GRIA4: variants seen among roughly 807,000 people sequenced by gnomAD.
GRIA4 encodes glutamate receptor 4.
A neutral mutation model predicts 104.0 loss-of-function variants in GRIA4; 34 were observed. That is an observed-to-expected ratio of 0.33 (90% CI 0.25 to 0.44). The LOEUF is 0.44. GRIA4 is among the 20% of genes least tolerant of loss of function. The pLI is 1.00. For missense variants in GRIA4, 750 were observed against 1,096.5 expected (o/e 0.68, Z 4.46); for synonymous variants, 386 against 381.9 (o/e 1.01, Z -0.13).
At chr11:105,966,705 T>C (rs1858386879) in intron 14 of GRIA4, among the ~76,000 whole-genome samples, 1 of 151,878 alleles carries the variant, frequency 6.6e-6, no homozygotes, top group Admixed American at 6.6e-5. Flanking sequence ...ATAATAGTTT[T>C]TTTTATTTCT....
chr11:105,810,150 A>G (rs1220146835), intron 4 of GRIA4, among the ~76,000 whole-genome samples: 4 of 152,150 alleles, frequency 2.6e-5, no homozygotes, highest in Admixed American at 1.3e-4. Context: ...TCTGTCCAGC[A>G]TGGAGTTCTA....
chr11:105,652,847 C>T (rs1951721414), intron 3 of GRIA4, among the ~76,000 whole-genome samples: 2 of 152,150 alleles, frequency 1.3e-5, no homozygotes, highest in Admixed American at 1.3e-4. Flanking sequence ...TACAGTTTCA[C>T]AGATGGAAGA....
At chr11:105,713,331 G>A (rs1953980995) in intron 3 of GRIA4, among the ~76,000 whole-genome samples, 1 of 151,674 alleles carries the variant, frequency 6.6e-6, no homozygotes, top group Admixed American at 6.6e-5. Flanking sequence ...GCAGTGAGCT[G>A]AGATTGCACC....
intron 4 of GRIA4, among the ~76,000 whole-genome samples, chr11:105,849,461 A>G (rs1383400657): frequency 1.3e-5 from 2 of 152,168 alleles, no homozygotes; most frequent in Non-Finnish European, 2.9e-5. Flanking sequence ...AAATCTACAG[A>G]TCTGGAATAT....
At chr11:105,677,305 A>G (rs902987775) in intron 3 of GRIA4, among the ~76,000 whole-genome samples, 4 of 151,934 alleles carry the variant, frequency 2.6e-5, no homozygotes, top group Non-Finnish European at 5.9e-5. Flanking sequence ...ATCACAGTCA[A>G]GAAATGCACT....
At chr11:105,915,374 C>A (rs538137087) in intron 10 of GRIA4, among the ~76,000 whole-genome samples, 6 of 152,178 alleles carry the variant, frequency 3.9e-5, no homozygotes, top group Admixed American at 2.0e-4. Context: ...ACCTGATGGA[C>A]CCCTGCTGTC....
intron 10 of GRIA4, among the ~76,000 whole-genome samples, chr11:105,916,691 A>G (rs1947415819): frequency 6.6e-6 from 1 of 152,250 alleles, no homozygotes; most frequent in Non-Finnish European, 1.5e-5. Flanking sequence ...TACTAGCTAG[A>G]GAAACTTGCA....
chr11:105,787,579 A>G (rs111522693), intron 4 of GRIA4, among the ~76,000 whole-genome samples: 8,712 of 147,762 alleles, frequency 0.059, 660 homozygotes, highest in African/African-American at 0.18. Flanking sequence ...GGGTTCAAGC[A>G]ATTCTCCCAC....
chr11:105,762,055 A>C, intron 4 of GRIA4, among the ~76,000 whole-genome samples: 1 of 146,994 alleles, frequency 6.8e-6, no homozygotes, highest in Admixed American at 6.9e-5. Context: ...ACGGAGTCTC[A>C]CTCTATTGCC....
chr11:105,762,999 T>C (rs984790338), intron 4 of GRIA4, among the ~76,000 whole-genome samples: 2 of 152,214 alleles, frequency 1.3e-5, no homozygotes, highest in Non-Finnish European at 2.9e-5. Context: ...TGTTGAATCA[T>C]ATTGAGGAGT....
At chr11:105,695,895 T>C (rs886827508) in intron 3 of GRIA4, among the ~76,000 whole-genome samples, 8 of 152,210 alleles carry the variant, frequency 5.3e-5, no homozygotes, top group Non-Finnish European at 1.0e-4. Context: ...TATACCATTG[T>C]ATTCTAGTCT....
At chr11:105,749,451 A>C (rs1391530562) in intron 3 of GRIA4, among the ~76,000 whole-genome samples, 1 of 152,218 alleles carries the variant, frequency 6.6e-6, no homozygotes, top group African/African-American at 2.4e-5. Context: ...AAGATACAGG[A>C]GAAAGAGAAG....
At chr11:105,886,087 A>G (rs1946243916) in intron 5 of GRIA4, among the ~76,000 whole-genome samples, 1 of 152,232 alleles carries the variant, frequency 6.6e-6, no homozygotes, top group South Asian at 2.1e-4. Context: ...TCTTGAATGC[A>G]ATCAAAACAA....
At chr11:105,653,457 A>T (rs755446328) in intron 3 of GRIA4, among the ~76,000 whole-genome samples, 1 of 152,190 alleles carries the variant, frequency 6.6e-6, no homozygotes, top group African/African-American at 2.4e-5. Flanking sequence ...GGGATGGCTC[A>T]TGTCCCAGGC....
chr11:105,756,073 G>C (rs1940294474), intron 4 of GRIA4, among the ~76,000 whole-genome samples: 1 of 152,062 alleles, frequency 6.6e-6, no homozygotes, highest in Non-Finnish European at 1.5e-5. Context: ...TTATGTATCT[G>C]TATATATTCT....
Position 105,979,620 on chromosome 11 carries a change from A to T in GRIA4, c.2590A>T (p.Thr864Ser). 6.2e-7 allele frequency: 1 copy of T among 1,614,112 alleles called. No individual in the cohort carries two copies. Among genetic ancestry groups the T allele is most frequent in the Non-Finnish European group, 8.5e-7 (1 of 1,179,894 alleles). ...AAGAAACAAAGCCAGATTATCCATC[A>T]CTGGGAGTGTGGGAGAGAATGGCCG... ...AIRNKARLSI[T>S]GSVGENGRVL... The change falls in exon 17 of 17, where the codon ACT becomes TCT. Residue 864 changes from threonine (T) to serine (S), a missense_variant. Physicochemically the swap from Thr to Ser is moderately conservative, Grantham distance 58. Transcript: ENST00000282499.
chr11:105,638,927 C>T (rs2135341660), intron 3 of GRIA4, among the ~76,000 whole-genome samples: 1 of 152,170 alleles, frequency 6.6e-6, no homozygotes, highest in Admixed American at 6.6e-5. Context: ...AAATCCTTTT[C>T]TATTACCTAA....
chr11:105,632,536 T>A (rs904550125), intron 3 of GRIA4, among the ~76,000 whole-genome samples: 1 of 152,206 alleles, frequency 6.6e-6, no homozygotes, highest in Non-Finnish European at 1.5e-5. Context: ...GACAAATTAA[T>A]CATCCTCTTT....
At chr11:105,686,019 T>C (rs1952870058) in intron 3 of GRIA4, among the ~76,000 whole-genome samples, 3 of 152,074 alleles carry the variant, frequency 2.0e-5, no homozygotes, top group African/African-American at 7.2e-5. Context: ...GAAGCTACTA[T>C]AGAGGAATGC....
Sources: allele counts gnomAD v4.1 joint callset (sites outside exome capture counted in the v4.1 genomes callset), GRCh38; gene constraint gnomAD v4.1.1; transcripts MANE v1.5; gene names NCBI Gene and HGNC (gene_info 2026-07-23, HGNC 2026-07-21).